The following ANK3 variants were observed in gnomAD, a reference collection of about 807,000 sequenced individuals.
ANK3 encodes the protein ankyrin-3.
A neutral mutation model predicts 370.9 loss-of-function variants in ANK3; 57 were observed. That is an observed-to-expected ratio of 0.15 (90% CI 0.12 to 0.19). ANK3 has a LOEUF of 0.19. ANK3 is among the 10% of genes least tolerant of loss of function. The pLI is 1.00. For synonymous variants in ANK3, 1,929 were observed against 1,946.3 expected (o/e 0.99, Z 0.23); for missense variants, 4,439 against 5,302.1 (o/e 0.84, Z 5.06).
chr10:60,126,880 T>C (rs2093790387), intron 25 of ANK3, among the ~76,000 whole-genome samples: 1 of 152,212 alleles, frequency 6.6e-6, no homozygotes, highest in African/African-American at 2.4e-5. Context: ...TATGTGGTTG[T>C]TCCTACCAGG....
At chr10:60,386,347 C>T (rs1448083636) in intron 1 of ANK3, among the ~76,000 whole-genome samples, 1 of 151,606 alleles carries the variant, frequency 6.6e-6, no homozygotes, top group Non-Finnish European at 1.5e-5. Flanking sequence ...AAAGAAGATA[C>T]TCATTCAAAC....
At chr10:60,474,416 T>A (rs933931739) in intron 2 of ANK3, among the ~76,000 whole-genome samples, 5 of 152,094 alleles carry the variant, frequency 3.3e-5, no homozygotes, top group Non-Finnish European at 7.4e-5. Context: ...AAGAGAAGGC[T>A]GCCAAGAAGA....
chr10:60,438,240 C>T (rs2064207026), intron 2 of ANK3, among the ~76,000 whole-genome samples: 1 of 151,662 alleles, frequency 6.6e-6, no homozygotes, highest in Non-Finnish European at 1.5e-5. Context: ...TATGTATGTA[C>T]ATATAAATAC....
Position 60,159,323 on chromosome 10 carries a change from CAAAG to C in ANK3, c.2614+7264_2614+7267del, listed in dbSNP as rs145893163. On this transcript the variant is annotated intron_variant, in intron 23 of 43. Coordinates refer to ENST00000280772, the MANE Select transcript of ANK3 (RefSeq NM_020987.5). ...TCAAGATAAAAACTGCAAAAAGAGACAAAGAAGGTCATTATATAATGATAAAGGA... is the reference window on the plus strand; with the variant it reads ...TCAAGATAAAAACTGCAAAAAGAGACAAGGTCATTATATAATGATAAAGGA... 4.3e-3 allele frequency among the ~76,000 whole-genome samples: 647 copies of C among 151,812 alleles called. 3 individuals carry two copies. The highest frequency in any genetic ancestry group is 0.015 in the African/African-American group (617 of 41,372).
intron 1 of ANK3, among the ~76,000 whole-genome samples, chr10:60,337,089 G>T (rs2053168770): frequency 6.6e-6 from 1 of 152,128 alleles, no homozygotes; most frequent in Non-Finnish European, 1.5e-5. Context: ...TTATGCAGTG[G>T]GGCTCTCTGG....
intron 2 of ANK3, among the ~76,000 whole-genome samples, chr10:60,412,448 C>G (rs764315536): frequency 2.6e-5 from 4 of 152,144 alleles, no homozygotes; most frequent in Non-Finnish European, 4.4e-5. Context: ...CTCAGGCCTT[C>G]GGACTGGGAC....
chr10:60,569,543 C>T (rs1019415978), intron 2 of ANK3, among the ~76,000 whole-genome samples: 2 of 152,148 alleles, frequency 1.3e-5, no homozygotes, highest in Non-Finnish European at 2.9e-5. Flanking sequence ...CATTCCAGAA[C>T]AAAACACAGA....
At chr10:60,049,601 G>T (rs1032124327) in intron 42 of ANK3, among the ~76,000 whole-genome samples, 1 of 152,132 alleles carries the variant, frequency 6.6e-6, no homozygotes, top group East Asian at 1.9e-4. Flanking sequence ...AAAAGTATTT[G>T]GGGAGAATAC....
intron 2 of ANK3, among the ~76,000 whole-genome samples, chr10:60,408,186 C>G (rs1414619017): frequency 2.6e-5 from 4 of 152,208 alleles, no homozygotes; most frequent in African/African-American, 9.7e-5. Context: ...ATCAGCCTGA[C>G]TGCTTATGAT....
At chr10:60,397,129 A>C (rs2063257665) in intron 2 of ANK3, among the ~76,000 whole-genome samples, 1 of 152,062 alleles carries the variant, frequency 6.6e-6, no homozygotes, top group South Asian at 2.1e-4. Context: ...CATATAAGAA[A>C]GCAAAGGATC....
At chr10:60,567,345 T>C (rs1192069845) in intron 2 of ANK3, among the ~76,000 whole-genome samples, 3 of 152,158 alleles carry the variant, frequency 2.0e-5, no homozygotes, top group Non-Finnish European at 4.4e-5. Flanking sequence ...AGAATTATGC[T>C]AAATCTACTC....
rs367999910 is a variant in ANK3, at chr10:60,073,504, C to T, written c.7377G>A (p.Glu2459=). The T allele has an allele frequency of 1.2e-6, 2 of 1,613,988 alleles. No homozygotes were observed. Among genetic ancestry groups the T allele is most frequent in the African/African-American group, 2.7e-5 (2 of 74,914 alleles). Residue 2459 remains glutamate, a synonymous_variant, in exon 37 of 44, where the codon GAG becomes GAA. Coordinates refer to ENST00000280772, the MANE Select transcript of ANK3 (RefSeq NM_020987.5). ...GCATTTTCTCAGCAAACCTGTAAGA[C>T]TCCCCTCTTAGTTCTGACAACTCAT... is the stretch of plus-strand genomic sequence containing the variant. The part of the protein sequence containing the change: ...HDDELSELRG[E]SYRFAEKMLL...
At position 60,188,835 on chromosome 10, in the gene ANK3, T is replaced by C. The variant is rs549106402; in HGVS notation, c.1888-1923A>G. 9.8e-4 allele frequency among the ~76,000 whole-genome samples: 150 copies of C among 152,328 alleles called. 1 individual carries two copies. The highest frequency in any genetic ancestry group is 4.6e-4 in the Non-Finnish European group (31 of 68,036). ...CTGCCCTGAGAAGCATTTGGCCCTC[T>C]GCTGGGACACACCCTTCAGAGACTG... is the stretch of plus-strand genomic sequence containing the variant. On this transcript the variant is annotated intron_variant, in intron 16 of 43. Coordinates refer to ENST00000280772, the MANE Select transcript of ANK3 (RefSeq NM_020987.5).
intron 8 of ANK3, among the ~76,000 whole-genome samples, chr10:60,218,489 T>A (rs1486545245): frequency 6.6e-6 from 1 of 152,188 alleles, no homozygotes; most frequent in African/African-American, 2.4e-5. Context: ...GGTAATGGAA[T>A]CCCTCAGCAT....
chr10:60,279,820 A>G (rs2098136127), intron 1 of ANK3, among the ~76,000 whole-genome samples, 181 bp from the exon 2 acceptor site: 1 of 152,230 alleles, frequency 6.6e-6, no homozygotes, highest in Non-Finnish European at 1.5e-5. Flanking sequence ...AGTTAGTTTC[A>G]AGGGTACAAT....
chr10:60,264,126 G>T, intron 5 of ANK3, 106 bp from the exon 6 acceptor site: 3 of 965,414 alleles, frequency 3.1e-6, no homozygotes, highest in South Asian at 4.0e-5. Flanking sequence ...ATTTTTGTTT[G>T]GGATTATTAA....
intron 25 of ANK3, among the ~76,000 whole-genome samples, chr10:60,118,198 T>G (rs1011785650): frequency 6.6e-6 from 1 of 152,248 alleles, no homozygotes; most frequent in African/African-American, 2.4e-5. Context: ...TGTAGAATGA[T>G]GTGGCTTTTT....
At chr10:60,501,418 A>T (rs1341917637) in intron 2 of ANK3, among the ~76,000 whole-genome samples, 1 of 152,168 alleles carries the variant, frequency 6.6e-6, no homozygotes, top group Non-Finnish European at 1.5e-5. Flanking sequence ...AGAAAATGAA[A>T]ACTTGGCCGG....
rs1274824103 is a variant in ANK3, at chr10:60,076,383, T to C, written c.4498A>G (p.Thr1500Ala). The change falls in exon 37 of 44, where the codon ACA becomes GCA. Residue 1500 changes from threonine to alanine, a missense_variant. Thr to Ala is a moderately conservative substitution (Grantham distance 58). Coordinates refer to ENST00000280772, the MANE Select transcript of ANK3 (RefSeq NM_020987.5). ...GTTGTCCAGGACTGGTATGGTCTTG[T>C]AGAAAAGAATGGCTTGTATGAGTAA... is the stretch of plus-strand genomic sequence containing the variant. ...TTYSYKPFFS[T>A]RPYQSWTTAP... 5.6e-6 allele frequency: 9 copies of C among 1,613,990 alleles called. No individual in the cohort carries two copies. Among genetic ancestry groups the C allele is most frequent in the Admixed American group, 1.7e-5 (1 of 60,002 alleles).
Sources: allele counts gnomAD v4.1 joint callset (sites outside exome capture counted in the v4.1 genomes callset), GRCh38; gene constraint gnomAD v4.1.1; transcripts MANE v1.5; gene names NCBI Gene and HGNC (gene_info 2026-07-23, HGNC 2026-07-21).